Variants in MARCO observed in about 807,000 individuals in gnomAD.
The protein encoded by MARCO is macrophage receptor with collagenous structure.
In MARCO, 72 loss-of-function variants were observed where a neutral mutation model predicts 70.0. The observed-to-expected ratio is 1.03, with a 90% confidence interval of 0.85 to 1.25. The LOEUF (loss-of-function observed/expected upper bound fraction) is 1.25, where lower values mean the gene tolerates loss of function less well. Among genes scored for constraint, MARCO ranks in the 50% most tolerant of loss-of-function variants. The pLI, the probability that MARCO is intolerant of heterozygous loss-of-function variation, is 0.00. For missense variants in MARCO, 696 were observed against 659.3 expected, an observed-to-expected ratio of 1.06 and a Z score of -0.61; for synonymous variants, 273 against 243.1, an observed-to-expected ratio of 1.12 and a Z score of -1.14.
intron 6 of MARCO, 135 bp from the exon 7 acceptor site, chr2:118,977,336 G>A (rs1001280953): frequency 1.9e-5 from 14 of 722,974 alleles, no homozygotes; most frequent in Non-Finnish European, 3.0e-5. Context: ...GAGAGAGAGA[G>A]TGAGAGTGAG....
chr2:118,992,470 G>C lies in MARCO; in HGVS notation c.1246G>C (p.Glu416Gln), dbSNP rs1470916401. 1 of 1,612,272 alleles carries C rather than the reference G, an allele frequency of 6.2e-7. No individual in the cohort carries two copies. The highest frequency in any genetic ancestry group is 2.2e-5 in the East Asian group (1 of 44,858). ...GEQGVKGEKGERGENSVSVRI... is the reference protein window; with the variant it reads ...GEQGVKGEKGQRGENSVSVRI... ...GCAAGGAGTAAAGGGAGAAAAAGGT[G>C]AAAGAGGTAATCACTATTTATATTA... Residue 416 changes from glutamate to glutamine, a missense_variant, in exon 15 of 17, where the codon GAA becomes CAA. Physicochemically the swap from Glu to Gln is conservative, Grantham distance 29. Coordinates refer to ENST00000327097, the MANE Select transcript of MARCO (RefSeq NM_006770.4).
chr2:118,962,698 T>G (rs1679972573), intron 1 of MARCO, among the ~76,000 whole-genome samples: 1 of 152,152 alleles, frequency 6.6e-6, no homozygotes, highest in African/African-American at 2.4e-5. Flanking sequence ...AACTCTTCTT[T>G]AAATGTTTAT....
At chr2:118,988,313 C>T (rs1271560836) in intron 12 of MARCO, among the ~76,000 whole-genome samples, 3 of 152,014 alleles carry the variant, frequency 2.0e-5, no homozygotes, top group East Asian at 3.9e-4. Flanking sequence ...GTTTGCTGCT[C>T]GGTGCTTTAG....
rs1285992087 is a variant in MARCO, at chr2:118,986,719, A to G, written c.1064-3870A>G. On this transcript the variant is annotated intron_variant, in intron 12 of 16. Transcript: ENST00000327097. ...AAAGAAAGAAAGAAAGAAAGAAAGA[A>G]AGAAAAGAAAGAAAGAAAGAGAAAG... 1.3e-4 allele frequency among the ~76,000 whole-genome samples: 16 copies of G among 118,646 alleles called. 2 individuals are homozygous for G. Among genetic ancestry groups the G allele is most frequent in the Non-Finnish European group, 2.0e-4 (12 of 60,358 alleles). The allele number at this position is 118,646 out of a possible 152,430, so 77.8% of individuals were successfully genotyped here. A position where few individuals can be genotyped will look rare whatever the true frequency, so the allele number is the denominator to read the frequency against.
At chr2:118,954,225 TG>T (rs965082428) in intron 1 of MARCO, among the ~76,000 whole-genome samples, 2 of 152,126 alleles carry the variant, frequency 1.3e-5, no homozygotes, top group African/African-American at 4.8e-5. Flanking sequence ...GGGCTGTTGC[TG>T]GGGGCACAGT....
At chr2:118,944,051 C>A (rs1275435738) in intron 1 of MARCO, among the ~76,000 whole-genome samples, 1 of 152,044 alleles carries the variant, frequency 6.6e-6, no homozygotes, top group Non-Finnish European at 1.5e-5. Flanking sequence ...AATTGGACTG[C>A]AATGGCAGGA....
intron 12 of MARCO, among the ~76,000 whole-genome samples, chr2:118,989,531 C>A (rs1230178848): frequency 6.6e-6 from 1 of 152,206 alleles, no homozygotes; most frequent in Non-Finnish European, 1.5e-5. Flanking sequence ...GTCACAACTT[C>A]TCTTGCTCGT....
Position 118,971,531 on chromosome 2 carries a change from C to A in MARCO, c.457C>A (p.Pro153Thr), listed in dbSNP as rs1400383392. Residue 153 changes from proline to threonine, a missense_variant, in exon 4 of 17, where the codon CCA (proline) becomes ACA (threonine). Pro to Thr is a conservative substitution (Grantham distance 38). Around this residue, in one of 3 missense-constraint regions of MARCO, gnomAD observed 605 missense variants for 537.6 expected, o/e 1.13. Coordinates refer to ENST00000327097, the MANE Select transcript of MARCO (RefSeq NM_006770.4). ...CAGAATCAAAGGTGAACAAGGCGCC[C>A]CAGGTAGGTTCATTTCCACTCACAC... ...MFRIKGEQGAPGLQGHKGAMG... is the reference protein window; with the variant it reads ...MFRIKGEQGATGLQGHKGAMG... The A allele has an allele frequency of 6.2e-7, 1 of 1,613,934 alleles. No homozygotes were observed. The highest frequency in any genetic ancestry group is 1.7e-5 in the Admixed American group (1 of 60,000).
chr2:118,943,312 C>T (rs1679538737), intron 1 of MARCO, among the ~76,000 whole-genome samples: 2 of 152,226 alleles, frequency 1.3e-5, no homozygotes, highest in Non-Finnish European at 2.9e-5. Context: ...GGTGTGAGTG[C>T]TAATGGCTAT....
chr2:118,987,042 C>T (rs139875256), intron 12 of MARCO, among the ~76,000 whole-genome samples: 1 of 152,144 alleles, frequency 6.6e-6, no homozygotes, highest in South Asian at 2.1e-4. Flanking sequence ...GGAGCAGGAA[C>T]AATTGAAGAC....
In MARCO at chr2:118,970,150, T is replaced by C. The variant is rs746106270; in HGVS notation, c.236T>C (p.Met79Thr). 6.2e-7 allele frequency: 1 copy of C among 1,614,070 alleles called. No individual in the cohort carries two copies. Among genetic ancestry groups the C allele is most frequent in the East Asian group, 2.2e-5 (1 of 44,866 alleles). ...NLQARLRVLE[M>T]YFLNDTLAAE... ...CAGGCGCGGCTCCGGGTCCTGGAGA[T>C]GTATTTCCTCAATGACACTCTGGCG... Residue 79 changes from methionine to threonine, a missense_variant, in exon 3 of 17, where the codon ATG (methionine) becomes ACG (threonine). By Grantham distance (81) the Met-to-Thr change is moderately conservative. Transcript: ENST00000327097.
intron 1 of MARCO, among the ~76,000 whole-genome samples, chr2:118,968,607 CA>C (rs1255605937): frequency 2.6e-5 from 4 of 152,134 alleles, no homozygotes; most frequent in African/African-American, 9.7e-5. Context: ...TAACCCTTGT[CA>C]TGCCCTGTAC....
chr2:118,961,588 T>C (rs1679947532), intron 1 of MARCO, among the ~76,000 whole-genome samples: 2 of 152,244 alleles, frequency 1.3e-5, no homozygotes, highest in East Asian at 3.8e-4. Context: ...TGTAAATTTG[T>C]TCAAGTTCCT....
At chr2:118,987,617 G>A (rs1008833005) in intron 12 of MARCO, among the ~76,000 whole-genome samples, 30 of 152,202 alleles carry the variant, frequency 2.0e-4, no homozygotes, top group Admixed American at 1.7e-3. Context: ...GAGGTGGGCT[G>A]TAAGCTGGTC....
Position 118,990,648 on chromosome 2 carries a change from G to T in MARCO, c.1108+15G>T, listed in dbSNP as rs774973581. ...AGGAGTTCCAGGTAAAGGGCAGGCT[G>T]CATCTTCATCCCTCGGAGTGATGAC... On this transcript the variant is annotated intron_variant, in intron 13 of 16. Transcript: ENST00000327097. 6 of 1,611,978 alleles carry T rather than the reference G, an allele frequency of 3.7e-6. No homozygotes were observed. The South Asian group carries it at 6.6e-5, about 18-fold the overall frequency.
intron 12 of MARCO, among the ~76,000 whole-genome samples, chr2:118,986,263 T>C (rs1680480897): frequency 6.6e-6 from 1 of 152,124 alleles, no homozygotes. Flanking sequence ...AATCCTAAAT[T>C]TGCCAGGTTG....
chr2:118,954,753 A>G (rs1679796261), intron 1 of MARCO, among the ~76,000 whole-genome samples: 2 of 152,184 alleles, frequency 1.3e-5, no homozygotes. Flanking sequence ...CTTTGTGCAG[A>G]CAACCCCCAG....
chr2:118,981,391 G>T lies in MARCO; in HGVS notation c.767-18G>T. 1 of 1,556,522 alleles carries T rather than the reference G, an allele frequency of 6.4e-7. No homozygotes were observed. The highest frequency in any genetic ancestry group is 8.8e-7 in the Non-Finnish European group (1 of 1,139,302). On this transcript the variant is annotated intron_variant, in intron 8 of 16. Transcript: ENST00000327097. ...TGGAGTTCCTCCCACAACTAACCAA[G>T]ACTTTTTGGTTTTTCAGGAAGCAAA...
chr2:118,943,514 G>A (rs1430443256), intron 1 of MARCO, among the ~76,000 whole-genome samples: 1 of 152,192 alleles, frequency 6.6e-6, no homozygotes, highest in South Asian at 2.1e-4. Flanking sequence ...CTTCTGGCAC[G>A]AGGGGACAGG....
Sources: allele counts gnomAD v4.1 joint callset (sites outside exome capture counted in the v4.1 genomes callset), GRCh38; gene constraint gnomAD v4.1.1; regional missense constraint gnomAD v4.1.1; transcripts MANE v1.5; gene names NCBI Gene and HGNC (gene_info 2026-07-23, HGNC 2026-07-21).